ERC2: variants seen among roughly 807,000 people sequenced by gnomAD.
ERC2 encodes ELKS/RAB6-interacting/CAST family member 2, also known as ERC protein 2.
In ERC2, 42 loss-of-function variants were observed where a neutral mutation model predicts 114.8. The observed-to-expected ratio is 0.37, with a 90% CI of 0.29 to 0.47. ERC2 has a LOEUF of 0.47. Among genes scored for constraint, ERC2 ranks in the 20% least tolerant of loss-of-function variants. The probability of loss-of-function intolerance (pLI) is 0.99; values close to 1 mark genes in which losing one functional copy is unlikely to be tolerated. For synonymous variants in ERC2, 454 were observed against 425.5 expected, an observed-to-expected ratio of 1.07 and a Z score of -0.82; for missense variants, 939 against 1,150.7, an observed-to-expected ratio of 0.82 and a Z score of 2.66.
At chr3:55,797,870 T>C (rs2070644872) in intron 14 of ERC2, among the ~76,000 whole-genome samples, 2 of 152,164 alleles carry the variant, frequency 1.3e-5, no homozygotes, top group South Asian at 2.1e-4. Context: ...CAAAAGTTAC[T>C]AGAAAGATTT....
chr3:56,069,613 A>G (rs893869452), intron 7 of ERC2, among the ~76,000 whole-genome samples: 3 of 152,186 alleles, frequency 2.0e-5, no homozygotes, highest in African/African-American at 7.2e-5. Context: ...CAAAGCACAT[A>G]CAACAGGGAA....
intron 17 of ERC2, among the ~76,000 whole-genome samples, chr3:55,543,152 G>A (rs1251967111): frequency 2.0e-5 from 3 of 152,034 alleles, no homozygotes; most frequent in East Asian, 1.9e-4. Context: ...ATCAGACCTC[G>A]TCTCTGGGGG....
chr3:55,777,967 T>C (rs868809170), intron 14 of ERC2, among the ~76,000 whole-genome samples: 3 of 152,188 alleles, frequency 2.0e-5, no homozygotes, highest in Admixed American at 6.5e-5. Flanking sequence ...TTTCAGACCA[T>C]AGGAAATTTC....
intron 14 of ERC2, chr3:55,766,553 T>C (rs1302491658): frequency 6.6e-6 from 1 of 151,906 alleles, no homozygotes; most frequent in African/African-American, 2.4e-5. Flanking sequence ...TTCAGGTAGA[T>C]GTAGAAGAAA....
chr3:56,117,044 T>C (rs1321581210), intron 6 of ERC2, among the ~76,000 whole-genome samples: 1 of 152,188 alleles, frequency 6.6e-6, no homozygotes, highest in Admixed American at 6.5e-5. Flanking sequence ...TTAGGCAAAT[T>C]GTCCAAGACC....
chr3:56,306,310 T>C (rs2056224075), intron 2 of ERC2, among the ~76,000 whole-genome samples: 5 of 152,140 alleles, frequency 3.3e-5, no homozygotes, highest in South Asian at 2.1e-4. Flanking sequence ...AACAGACACA[T>C]ACAAGAACAT....
intron 14 of ERC2, among the ~76,000 whole-genome samples, chr3:55,876,321 T>C (rs2062840441): frequency 1.3e-5 from 2 of 152,124 alleles, no homozygotes; most frequent in Admixed American, 6.5e-5. Flanking sequence ...ACCCTATGAA[T>C]TGGGATTTGC....
chr3:56,186,114 T>TAAAACAAAAAA (rs2083588783), intron 3 of ERC2, among the ~76,000 whole-genome samples: 1 of 102,540 alleles, frequency 9.8e-6, no homozygotes, highest in Admixed American at 1.1e-4. Flanking sequence ...TCAAGAACCT[T>TAAAACAAAAAA]AAAAAAAAAA....
chr3:55,774,774 T>C (rs2068474784), intron 14 of ERC2, among the ~76,000 whole-genome samples: 1 of 152,234 alleles, frequency 6.6e-6, no homozygotes, highest in Admixed American at 6.5e-5. Flanking sequence ...GTCAATTTCC[T>C]TTATTTTCCA....
intron 2 of ERC2, among the ~76,000 whole-genome samples, chr3:56,326,299 A>G (rs1263718600): frequency 6.6e-6 from 1 of 152,204 alleles, no homozygotes; most frequent in Non-Finnish European, 1.5e-5. Flanking sequence ...TGAAGACAGG[A>G]GCACAGAGTA....
At chr3:55,930,670 A>T (rs940361579) in intron 13 of ERC2, among the ~76,000 whole-genome samples, 33 of 152,240 alleles carry the variant, frequency 2.2e-4, no homozygotes, top group African/African-American at 7.5e-4. Context: ...AACCTTGGCA[A>T]TACTATTCAG....
intron 5 of ERC2, among the ~76,000 whole-genome samples, chr3:56,147,955 A>C (rs1350929838): frequency 6.6e-6 from 1 of 152,204 alleles, no homozygotes; most frequent in Non-Finnish European, 1.5e-5. Context: ...AAATCTTTAA[A>C]ACTGACAATA....
At chr3:56,019,127 G>A in intron 7 of ERC2, 96 bp from the exon 8 acceptor site, 1 of 932,992 alleles carries the variant, frequency 1.1e-6, no homozygotes, top group Non-Finnish European at 1.6e-6. Context: ...GAAAGAAAAA[G>A]ACCTGAAATG....
At chr3:55,801,790 A>G (rs1345557701) in intron 14 of ERC2, among the ~76,000 whole-genome samples, 3 of 152,246 alleles carry the variant, frequency 2.0e-5, no homozygotes, top group African/African-American at 7.2e-5. Context: ...TAGCAGAACC[A>G]TTAAACCAAG....
chr3:56,187,532 G>A lies in ERC2; in HGVS notation c.1075-14012C>T, dbSNP rs550631602. 2.6e-5 allele frequency among the ~76,000 whole-genome samples: 4 copies of A among 152,168 alleles called. No individual in the cohort carries two copies. In the East Asian group the frequency reaches 5.8e-4, roughly 22 times the overall value. ...TGTTTTGTCCCCAGATGAGATGCAC[G>A]CACATACACGCATCCACACACTAAA... On this transcript the variant is annotated intron_variant, in intron 3 of 17. Transcript: ENST00000288221.
At chr3:56,158,711 G>A (rs2081880334) in intron 4 of ERC2, among the ~76,000 whole-genome samples, 3 of 150,414 alleles carry the variant, frequency 2.0e-5, no homozygotes, top group Admixed American at 2.0e-4. Flanking sequence ...CTCCTCTTTG[G>A]AACCTTCTCA....
At chr3:55,823,805 C>G (rs2060221405) in intron 14 of ERC2, among the ~76,000 whole-genome samples, 1 of 152,148 alleles carries the variant, frequency 6.6e-6, no homozygotes, top group Non-Finnish European at 1.5e-5. Context: ...AATGACGTGC[C>G]CCACTTCCAG....
chr3:56,419,684 C>T (rs1385074659), intron 2 of ERC2, among the ~76,000 whole-genome samples: 1 of 152,164 alleles, frequency 6.6e-6, no homozygotes, highest in Non-Finnish European at 1.5e-5. Context: ...TATTTACTCC[C>T]AACACATGTG....
intron 3 of ERC2, among the ~76,000 whole-genome samples, chr3:56,187,682 G>T (rs148082322): frequency 1.3e-5 from 2 of 152,130 alleles, no homozygotes; most frequent in Admixed American, 1.3e-4. Context: ...TCAGAAATAC[G>T]TAAATCAACA....
Sources: allele counts gnomAD v4.1 joint callset (sites outside exome capture counted in the v4.1 genomes callset), GRCh38; gene constraint gnomAD v4.1.1; transcripts MANE v1.5; gene names NCBI Gene and HGNC (gene_info 2026-07-23, HGNC 2026-07-21).